The following PLCB4 variants were observed in gnomAD, a reference collection of about 807,000 sequenced individuals.
PLCB4 encodes the protein 1-phosphatidylinositol 4,5-bisphosphate phosphodiesterase beta-4.
In PLCB4, 77 loss-of-function variants were observed where a neutral mutation model predicts 178.8. The observed-to-expected ratio is 0.43, with a 90% CI of 0.36 to 0.52. The LOEUF (loss-of-function observed/expected upper bound fraction) is 0.52, where lower values mean the gene tolerates loss of function less well. Among genes scored for constraint, PLCB4 ranks in the 20% least tolerant of loss-of-function variants. The probability of loss-of-function intolerance (pLI) is 0.00; values close to 1 mark genes in which losing one functional copy is unlikely to be tolerated. For missense variants in PLCB4, 1,024 were observed against 1,453.4 expected (o/e 0.70, Z 4.80); for synonymous variants, 496 against 490.8 (o/e 1.01, Z -0.14).
intron 2 of PLCB4, among the ~76,000 whole-genome samples, chr20:9,194,955 G>A (rs2093452808): frequency 1.3e-5 from 2 of 152,132 alleles, no homozygotes; most frequent in Admixed American, 6.5e-5. Context: ...GTAAGCAATG[G>A]ATCAGACTGT....
intron 27 of PLCB4, among the ~76,000 whole-genome samples, chr20:9,422,793 C>T (rs933303547): frequency 6.6e-6 from 1 of 152,136 alleles, no homozygotes; most frequent in East Asian, 1.9e-4. Flanking sequence ...AAATCCCAAG[C>T]CTCTATTCAC....
chr20:9,378,931 A>G (rs1217745019), intron 12 of PLCB4, among the ~76,000 whole-genome samples: 3 of 152,282 alleles, frequency 2.0e-5, no homozygotes, highest in East Asian at 1.9e-4. Context: ...AGGGAAATCC[A>G]TATGAACTTT....
At chr20:9,403,698 A>C (rs189835617) in intron 20 of PLCB4, among the ~76,000 whole-genome samples, 12 of 152,198 alleles carry the variant, frequency 7.9e-5, no homozygotes, top group Admixed American at 5.9e-4. Context: ...ATAGTTGGCC[A>C]CCTTTGATTG....
intron 9 of PLCB4, among the ~76,000 whole-genome samples, chr20:9,369,639 A>G (rs1014007668): frequency 6.6e-6 from 1 of 152,210 alleles, no homozygotes; most frequent in Non-Finnish European, 1.5e-5. Flanking sequence ...TTCTTGAAGT[A>G]TTCTTGGACC....
At chr20:9,459,543 A>G in intron 34 of PLCB4, 92 bp from the exon 35 acceptor site, 1 of 830,358 alleles carries the variant, frequency 1.2e-6, no homozygotes, top group South Asian at 2.4e-5. Flanking sequence ...AGTTGGTGGG[A>G]GGAACCTGAA....
In PLCB4 at chr20:9,103,240, C is replaced by T. The variant is rs77931342; in HGVS notation, c.-79+6898C>T. 7.5e-3 allele frequency among the ~76,000 whole-genome samples: 1,144 copies of T among 152,184 alleles called. 13 individuals carry two copies. Among genetic ancestry groups the T allele is most frequent in the African/African-American group, 0.026 (1,077 of 41,522 alleles). On this transcript the variant is annotated intron_variant, in intron 2 of 39. Transcript: ENST00000378473. Reference sequence around the variant, plus strand: ...CCCTTCTATACTCTTAAGAATTGTTCAGAGTTCTAAACAGCTTTTTAACAT... The same window carrying T: ...CCCTTCTATACTCTTAAGAATTGTTTAGAGTTCTAAACAGCTTTTTAACAT...
chr20:9,463,677 C>CA (rs2043562118), intron 35 of PLCB4, among the ~76,000 whole-genome samples: 1 of 146,624 alleles, frequency 6.8e-6, no homozygotes, highest in Admixed American at 6.8e-5. Context: ...TCAAAAGAGA[C>CA]AAAGAAGGCC....
chr20:9,184,511 A>G (rs10485729), intron 2 of PLCB4, among the ~76,000 whole-genome samples: 29,068 of 151,070 alleles, frequency 0.19, 2,990 homozygotes, highest in East Asian at 0.29. Flanking sequence ...GATTGATAAC[A>G]TTACTATGCT....
chr20:9,344,969 T>C (rs1313736050), intron 7 of PLCB4, among the ~76,000 whole-genome samples: 1 of 152,080 alleles, frequency 6.6e-6, no homozygotes, highest in Non-Finnish European at 1.5e-5. Flanking sequence ...AATAGGCGAG[T>C]CTTATACATC....
chr20:9,427,957 A>G (rs948724735), intron 28 of PLCB4, among the ~76,000 whole-genome samples: 4 of 152,154 alleles, frequency 2.6e-5, no homozygotes, highest in African/African-American at 9.7e-5. Flanking sequence ...CTCTTCTACA[A>G]CTATTTTATG....
intron 3 of PLCB4, among the ~76,000 whole-genome samples, chr20:9,295,551 A>G (rs888962475): frequency 6.6e-6 from 1 of 152,132 alleles, no homozygotes; most frequent in African/African-American, 2.4e-5. Flanking sequence ...GAACAGAAAT[A>G]CTTTATTTCA....
chr20:9,339,158 C>A, intron 7 of PLCB4, 121 bp downstream of exon 7: 1 of 775,600 alleles, frequency 1.3e-6, no homozygotes, highest in Non-Finnish European at 2.0e-6. Context: ...GTTAGCATTG[C>A]TTTGCTGACA....
intron 2 of PLCB4, among the ~76,000 whole-genome samples, chr20:9,122,333 C>T (rs1011996263): frequency 6.6e-6 from 1 of 152,040 alleles, no homozygotes; most frequent in South Asian, 2.1e-4. Context: ...TTATATTGGA[C>T]ATACAATCCT....
rs367949810 is a variant in PLCB4, at chr20:9,453,327, T to A, written c.2881-20T>A. On this transcript the variant is annotated intron_variant, in intron 32 of 39. Coordinates refer to ENST00000378473, the MANE Select transcript of PLCB4 (RefSeq NM_001377142.1). The stretch of plus-strand genomic sequence containing the variant: ...CCATGCTAAGAGTCCAATTCATAAC[T>A]GCAAATCCTTCTTGTTCAGGAACAC... The A allele has an allele frequency of 2.0e-6, 3 of 1,471,686 alleles. No homozygotes were observed. The highest frequency in any genetic ancestry group is 2.9e-6 in the Non-Finnish European group (3 of 1,052,106). The allele number at this position is 1,471,686 out of a possible 1,614,324, so 91.2% of individuals were successfully genotyped here.
At chr20:9,343,061 C>G (rs765145537) in intron 7 of PLCB4, among the ~76,000 whole-genome samples, 1 of 152,086 alleles carries the variant, frequency 6.6e-6, no homozygotes, top group Non-Finnish European at 1.5e-5. Flanking sequence ...TGGGAGAGTC[C>G]AGCACTCCCT....
chr20:9,220,524 G>A (rs547859825), intron 3 of PLCB4, among the ~76,000 whole-genome samples: 6 of 152,210 alleles, frequency 3.9e-5, no homozygotes, highest in African/African-American at 1.2e-4. Context: ...TAATCCCAGC[G>A]ATTCGAGAGG....
intron 3 of PLCB4, among the ~76,000 whole-genome samples, chr20:9,293,435 A>G (rs377337249): frequency 2.0e-5 from 3 of 149,000 alleles, no homozygotes. Flanking sequence ...AAGTCACTGC[A>G]CTCCAGCCTG....
At chr20:9,174,538 T>A (rs2093122676) in intron 2 of PLCB4, among the ~76,000 whole-genome samples, 2 of 151,974 alleles carry the variant, frequency 1.3e-5, no homozygotes, top group Admixed American at 1.3e-4. Flanking sequence ...TTCATCTACA[T>A]TTCCTACTAA....
At chr20:9,280,184 T>A (rs758803602) in intron 3 of PLCB4, among the ~76,000 whole-genome samples, 13 of 152,002 alleles carry the variant, frequency 8.6e-5, no homozygotes, top group Non-Finnish European at 1.6e-4. Flanking sequence ...TTTCTAGGAA[T>A]AGAGATTAAT....
Sources: gnomAD v4.1 joint callset for allele counts (sites outside exome capture counted in the v4.1 genomes callset) on GRCh38, gnomAD v4.1.1 for gene constraint, MANE v1.5 for transcripts, NCBI Gene and HGNC (gene_info 2026-07-23, HGNC 2026-07-21) for gene names.